The following PML variants were observed in gnomAD, a reference collection of about 807,000 sequenced individuals.
PML encodes the protein PML nuclear body scaffold.
Under a neutral mutation model 65.2 loss-of-function variants are expected in PML, and 28 were observed. The ratio of observed to expected loss-of-function variants is 0.43; its 90% confidence interval spans 0.32 to 0.59. PML has a LOEUF of 0.59. Ranked by LOEUF, PML falls within the 20% of genes least tolerant of loss-of-function variation. PML has a pLI of 0.08. For synonymous variants in PML, 500 were observed against 508.8 expected (o/e 0.98, Z 0.23); for missense variants, 1,021 against 1,203.4 (o/e 0.85, Z 2.24).
intron 2 of PML, among the ~76,000 whole-genome samples, chr15:74,007,962 A>C (rs920670958): frequency 6.6e-6 from 1 of 152,126 alleles, no homozygotes; most frequent in Non-Finnish European, 1.5e-5. Flanking sequence ...CTTCTGTATT[A>C]TGTTTGCCCT....
intron 3 of PML, among the ~76,000 whole-genome samples, chr15:74,024,151 C>G (rs1463973808): frequency 4.6e-5 from 7 of 152,114 alleles, no homozygotes. Flanking sequence ...TTGACTAAAT[C>G]TCCAAGCTGG....
rs1198615199 is a variant in PML, at chr15:74,023,121, A to T, written c.896A>T (p.Glu299Val). 3.1e-6 allele frequency: 5 copies of T among 1,604,352 alleles called. No homozygotes were observed. Among genetic ancestry groups the T allele is most frequent in the Non-Finnish European group, 4.2e-6 (5 of 1,179,012 alleles). The change falls in exon 3 of 9, where the codon GAG becomes GTG. Residue 299 changes from glutamate (E) to valine (V), a missense_variant. Transcript: ENST00000268058. ...CGGGCTCAGGAGCGCGAGCTGCTGG[A>T]GGCTGTGGACGCGCGGTACCAGCGC... ...HVRAQERELL[E>V]AVDARYQRDY...
chr15:74,034,127 A>T (rs2071437321), intron 6 of PML: 2 of 406,530 alleles, frequency 4.9e-6, no homozygotes, highest in Admixed American at 7.5e-5. Flanking sequence ...CAGCTCATGG[A>T]GCTGAGAATG....
chr15:74,037,098 A>AT lies in PML; in HGVS notation c.1710+2569dup. ...TGCAGGAGAAAGGCCTGGGAAAACT[A>AT]TGAGTGGTTGCCTGTGACTGCTAAG... On this transcript the variant is annotated intron_variant, in intron 7 of 8. Coordinates refer to ENST00000268058, the MANE Select transcript of PML (RefSeq NM_033238.3). The surrounding 1 kb of genome is among the most constrained non-coding windows in gnomAD (Gnocchi z 4.2). 2 of 985,306 alleles carry AT rather than the reference A, an allele frequency of 2.0e-6. No homozygotes were observed. Among genetic ancestry groups the AT allele is most frequent in the Non-Finnish European group, 2.4e-6 (2 of 829,894 alleles). The allele number at this position is 985,306 out of a possible 1,614,324, so 61.0% of individuals were successfully genotyped here.
At chr15:74,021,144 C>T (rs2141826440) in intron 2 of PML, among the ~76,000 whole-genome samples, 1 of 152,324 alleles carries the variant, frequency 6.6e-6, no homozygotes, top group African/African-American at 2.4e-5. Flanking sequence ...TATTTTGCCT[C>T]TTGCACCAGT....
chr15:74,036,203 A>C, intron 7 of PML: 1 of 1,584,726 alleles, frequency 6.3e-7, no homozygotes, highest in East Asian at 2.2e-5. Context: ...TTGCCCAAGA[A>C]AGAAACTTCT....
intron 2 of PML, among the ~76,000 whole-genome samples, chr15:74,002,124 G>A (rs966808538): frequency 1.4e-4 from 21 of 152,218 alleles, no homozygotes; most frequent in African/African-American, 5.1e-4. Context: ...GAATGTGATG[G>A]TGCGATTTCA....
intron 4 of PML, chr15:74,026,403 C>A (rs1165347733): frequency 6.6e-6 from 1 of 152,212 alleles, no homozygotes; most frequent in African/African-American, 2.4e-5. Context: ...AACTCCTGAC[C>A]TCATGATCTG....
intron 7 of PML, chr15:74,036,262 C>G: frequency 1.3e-6 from 2 of 1,487,192 alleles, no homozygotes; most frequent in Non-Finnish European, 8.9e-7. Context: ...AATAGCACAG[C>G]CTTCCATGCC....
At chr15:74,019,865 G>A (rs2070757943) in intron 2 of PML, among the ~76,000 whole-genome samples, 1 of 152,156 alleles carries the variant, frequency 6.6e-6, no homozygotes, top group Admixed American at 6.6e-5. Context: ...CTTCCTCAAT[G>A]GCTTACAGCT....
chr15:74,023,058 T>A lies in PML; in HGVS notation c.833T>A (p.Leu278Gln). Residue 278 changes from leucine (L) to glutamine (Q), a missense_variant, in exon 3 of 9, where the codon CTG becomes CAG. Physicochemically the swap from Leu to Gln is moderately radical, Grantham distance 113. Transcript: ENST00000268058. ...CGCGCGCGTGCCGAGACCGAGGAGC[T>A]GATCCGCGAGCGCGTGCGCCAGGTG... ...LGRARAETEE[L>Q]IRERVRQVVA... is the part of the protein sequence containing the mutation. 1 of 1,603,630 alleles carries A rather than the reference T, an allele frequency of 6.2e-7. No homozygotes were observed. Among genetic ancestry groups the A allele is most frequent in the Non-Finnish European group, 8.5e-7 (1 of 1,178,404 alleles).
intron 2 of PML, among the ~76,000 whole-genome samples, chr15:73,999,484 C>A (rs1365228824): frequency 6.6e-6 from 1 of 152,178 alleles, no homozygotes; most frequent in African/African-American, 2.4e-5. Flanking sequence ...TCAGAATAAG[C>A]TTTCCCCTCC....
Position 74,043,087 on chromosome 15 carries a change from C to G in PML, c.1809C>G (p.Pro603=). 1 of 1,613,350 alleles carries G rather than the reference C, an allele frequency of 6.2e-7. No individual in the cohort carries two copies. The highest frequency in any genetic ancestry group is 8.5e-7 in the Non-Finnish European group (1 of 1,179,866). Residue 603 remains proline, a synonymous_variant, in exon 8 of 9, where the codon CCC becomes CCG. Coordinates refer to ENST00000268058, the MANE Select transcript of PML (RefSeq NM_033238.3). The surrounding 1 kb of genome is among the most constrained non-coding windows in gnomAD (Gnocchi z 4.3). ...LRVLDENLAD[P]QAEDRPLVFF... ...TCCTGGACGAGAACCTTGCTGACCC[C>G]CAAGCAGAAGACAGACCTCTGGTTT...
At chr15:74,000,209 A>G (rs1264533420) in intron 2 of PML, among the ~76,000 whole-genome samples, 2 of 152,170 alleles carry the variant, frequency 1.3e-5, no homozygotes, top group African/African-American at 4.8e-5. Flanking sequence ...GATCCATGGG[A>G]GTCTGTTTCA....
chr15:73,997,499 T>C (rs1159527533), intron 1 of PML, among the ~76,000 whole-genome samples: 1 of 152,244 alleles, frequency 6.6e-6, no homozygotes, highest in Non-Finnish European at 1.5e-5. Flanking sequence ...TGTTGATGGA[T>C]ACTTGGATTG....
In PML at chr15:74,044,933, G is replaced by C. The variant is rs368095340; in HGVS notation, c.2574G>C (p.Ala858=). ...TYFEGLLEGP[A]LARAEGVSTP... ...TTGAAGGCCTGTTGGAGGGTCCGGC[G>C]CTGGCACGGGCAGAAGGAGTCTCCA... Residue 858 remains alanine (A), a synonymous_variant, in exon 9 of 9, where the codon GCG becomes GCC. Coordinates refer to ENST00000268058, the MANE Select transcript of PML (RefSeq NM_033238.3). 6.2e-7 allele frequency: 1 copy of C among 1,613,138 alleles called. No homozygotes were observed. Among genetic ancestry groups the C allele is most frequent in the Non-Finnish European group, 8.5e-7 (1 of 1,179,972 alleles).
At chr15:74,016,107 T>C (rs1180386090) in intron 2 of PML, among the ~76,000 whole-genome samples, 2 of 152,114 alleles carry the variant, frequency 1.3e-5, no homozygotes, top group African/African-American at 4.8e-5. Context: ...TGAAACCCTG[T>C]GTCTACTAAA....
chr15:74,034,382 C>A, intron 6 of PML, 96 bp from the exon 7 acceptor site: 1 of 1,548,498 alleles, frequency 6.5e-7, no homozygotes, highest in Non-Finnish European at 8.9e-7. Flanking sequence ...TTCCCCCAGC[C>A]GACTGGCCTG....
Position 74,034,545 on chromosome 15 carries a change from A to G in PML, c.1710+15A>G. 2 of 1,614,170 alleles carry G rather than the reference A, an allele frequency of 1.2e-6. No individual in the cohort carries two copies. Among genetic ancestry groups the G allele is most frequent in the Non-Finnish European group, 1.7e-6 (2 of 1,180,018 alleles). Reference sequence around the variant, plus strand: ...CCGAAAACTCGGTGAGTGGCCCAGAAGTTCAGCCCAGGACTCCTGCCTCCC... The same window carrying G: ...CCGAAAACTCGGTGAGTGGCCCAGAGGTTCAGCCCAGGACTCCTGCCTCCC... On this transcript the variant is annotated intron_variant, in intron 7 of 8. Coordinates refer to ENST00000268058, the MANE Select transcript of PML (RefSeq NM_033238.3).
Sources: gnomAD v4.1 joint callset for allele counts (sites outside exome capture counted in the v4.1 genomes callset) on GRCh38, gnomAD v4.1.1 for gene constraint, Gnocchi (gnomAD v3.1) non-coding constraint, MANE v1.5 for transcripts, NCBI Gene and HGNC (gene_info 2026-07-23, HGNC 2026-07-21) for gene names.